The following SLC43A2 variants were observed in gnomAD, a reference collection of about 807,000 sequenced individuals.
The protein encoded by SLC43A2 is solute carrier family 43 member 2.
A neutral mutation model predicts 63.2 loss-of-function variants in SLC43A2; 38 were observed. The observed-to-expected ratio is 0.60, with a 90% CI of 0.46 to 0.79. The LOEUF is 0.79. SLC43A2 is among the 30% of genes least tolerant of loss of function. The pLI is 0.00. For synonymous variants in SLC43A2, 322 were observed against 331.0 expected (o/e 0.97, Z 0.30); for missense variants, 644 against 756.2 (o/e 0.85, Z 1.74).
rs1180605106 is a variant in SLC43A2 at position 1,585,895 on chromosome 17, C to G, written c.1217+18G>C. On this transcript the variant is annotated intron_variant, in intron 10 of 13. Transcript: ENST00000301335. Reference sequence around the variant, plus strand: ...GGGCTGCGGGCTGGGAGCCGGGGCACCGGCCCTGCCTACGCACTGGTTGGC... The same window carrying G: ...GGGCTGCGGGCTGGGAGCCGGGGCAGCGGCCCTGCCTACGCACTGGTTGGC... The G allele has an allele frequency of 6.2e-7, 1 of 1,613,510 alleles. No homozygotes were observed. Among genetic ancestry groups the G allele is most frequent in the Middle Eastern group, 1.7e-4 (1 of 6,046 alleles).
At chr17:1,597,565 C>T (rs1348511791) in intron 5 of SLC43A2, among the ~76,000 whole-genome samples, 2 of 150,254 alleles carry the variant, frequency 1.3e-5, no homozygotes, top group Non-Finnish European at 2.9e-5. Flanking sequence ...TTTGGGAGGC[C>T]AAGGTGGGCG....
intron 12 of SLC43A2, 143 bp from the exon 13 acceptor site, chr17:1,576,863 G>GTTTTT: frequency 5.4e-5 from 31 of 578,090 alleles, no homozygotes; most frequent in East Asian, 1.1e-4. Context: ...GGGCAGTTCT[G>GTTTTT]TTTTTTTTTT....
intron 2 of SLC43A2, among the ~76,000 whole-genome samples, chr17:1,621,835 C>T (rs779002205): frequency 3.3e-5 from 5 of 152,158 alleles, no homozygotes; most frequent in Admixed American, 2.6e-4. Context: ...CGGTCTGTGC[C>T]GATGCTGGCC....
chr17:1,623,619 T>C (rs559316205), intron 2 of SLC43A2, among the ~76,000 whole-genome samples: 5 of 144,020 alleles, frequency 3.5e-5, no homozygotes, highest in Non-Finnish European at 7.4e-5. Flanking sequence ...TCCTCCAGGG[T>C]GTACCCTCCT....
chr17:1,610,991 C>G (rs970011178), intron 5 of SLC43A2, among the ~76,000 whole-genome samples: 13 of 151,936 alleles, frequency 8.6e-5, no homozygotes, highest in Admixed American at 6.6e-5. Flanking sequence ...CAGGGACCCA[C>G]CACTGTGCCC....
intron 9 of SLC43A2, chr17:1,586,928 T>TACCCCCCCC: frequency 2.4e-6 from 3 of 1,232,914 alleles, no homozygotes; most frequent in Non-Finnish European, 1.1e-6. Context: ...TCCCTGACAA[T>TACCCCCCCC]CCCCCCCACC....
Position 1,576,613 on chromosome 17 carries a change from T to C in SLC43A2, c.1532A>G (p.Gln511Arg). The C allele has an allele frequency of 1.2e-6, 2 of 1,608,714 alleles. No individual in the cohort carries two copies. Among genetic ancestry groups the C allele is most frequent in the Non-Finnish European group, 1.7e-6 (2 of 1,179,846 alleles). Residue 511 changes from glutamine (Q) to arginine (R), a missense_variant, in exon 13 of 14, where the codon CAG (glutamine) becomes CGG (arginine). Gln to Arg is a conservative substitution (Grantham distance 43). Coordinates refer to ENST00000301335, the MANE Select transcript of SLC43A2 (RefSeq NM_152346.3). ...PLFLAMMGPLQGDPLWVNVGL... is the reference protein window; with the variant it reads ...PLFLAMMGPLRGDPLWVNVGL... ...CCCTCTTACCCACAGAGGGTCTCCC[T>C]GGAGAGGACCCATCATGGCCAGAAA...
chr17:1,620,608 G>GCCGTC (rs1555544898), intron 2 of SLC43A2, among the ~76,000 whole-genome samples: 1 of 152,072 alleles, frequency 6.6e-6, no homozygotes, highest in East Asian at 1.9e-4. Context: ...CTGCCTCCAG[G>GCCGTC]CCGTCCCGTC....
chr17:1,610,495 C>T (rs1906995869), intron 5 of SLC43A2, among the ~76,000 whole-genome samples: 2 of 146,900 alleles, frequency 1.4e-5, no homozygotes, highest in Non-Finnish European at 3.0e-5. Context: ...GGTCTCAACC[C>T]TGGCCTCAAA....
At chr17:1,588,187 T>G (rs546299609) in intron 9 of SLC43A2, among the ~76,000 whole-genome samples, 1 of 150,770 alleles carries the variant, frequency 6.6e-6, no homozygotes, top group South Asian at 2.1e-4. Flanking sequence ...TCACTTGAAG[T>G]CAGGAGTTGG....
At position 1,571,860 on chromosome 17, in the gene SLC43A2, A is replaced by G. The variant is rs999047335; in HGVS notation, c.*3744T>C. On this transcript the variant is annotated 3_prime_UTR_variant, in exon 14 of 14. Transcript: ENST00000301335. The surrounding 1 kb of genome is among the most constrained non-coding windows in gnomAD (Gnocchi z 5.2). ...GACCACAAAGACACGCCTAGACCCCAGAGTCTAGTGAGGAGAGGGACTGGG... is the reference window on the plus strand; with the variant it reads ...GACCACAAAGACACGCCTAGACCCCGGAGTCTAGTGAGGAGAGGGACTGGG... The G allele has an allele frequency of 6.6e-6, 1 of 152,242 alleles. No homozygotes were observed. Among genetic ancestry groups the G allele is most frequent in the Non-Finnish European group, 1.5e-5 (1 of 68,112 alleles). 9.4% of individuals were successfully genotyped at this position (152,242 alleles called of 1,614,324 possible).
chr17:1,626,076 A>G (rs1483886262), intron 2 of SLC43A2, among the ~76,000 whole-genome samples: 1 of 147,674 alleles, frequency 6.8e-6, no homozygotes, highest in East Asian at 2.0e-4. Flanking sequence ...ATGGTGGGTT[A>G]AAAAAAAAAC....
At chr17:1,612,093 A>C (rs1698783074) in intron 5 of SLC43A2, among the ~76,000 whole-genome samples, 1 of 152,084 alleles carries the variant, frequency 6.6e-6, no homozygotes, top group Non-Finnish European at 1.5e-5. Flanking sequence ...GCCTCCGAGT[A>C]GCTGGGATTA....
chr17:1,588,833 C>T (rs1044972669), intron 9 of SLC43A2, among the ~76,000 whole-genome samples: 2 of 152,312 alleles, frequency 1.3e-5, no homozygotes, highest in South Asian at 2.1e-4. Flanking sequence ...CACCGGTCAG[C>T]GGCAAGGCCT....
chr17:1,590,525 TC>T (rs1490420370), intron 9 of SLC43A2, among the ~76,000 whole-genome samples: 1 of 151,554 alleles, frequency 6.6e-6, no homozygotes, highest in Non-Finnish European at 1.5e-5. Flanking sequence ...ACGGCAACCC[TC>T]CCCCTCAGGC....
chr17:1,592,688 G>C (rs1372346757), intron 6 of SLC43A2, among the ~76,000 whole-genome samples: 1 of 152,206 alleles, frequency 6.6e-6, no homozygotes, highest in Non-Finnish European at 1.5e-5. Flanking sequence ...ACAGGGTCTG[G>C]GGAACTTGGG....
chr17:1,580,650 C>T (rs1282421243), intron 11 of SLC43A2, among the ~76,000 whole-genome samples: 10 of 151,762 alleles, frequency 6.6e-5, no homozygotes, highest in Non-Finnish European at 8.8e-5. Context: ...CAACCTCTGT[C>T]TCCTGGGTTC....
At chr17:1,597,263 G>A (rs1353032015) in intron 5 of SLC43A2, among the ~76,000 whole-genome samples, 1 of 151,942 alleles carries the variant, frequency 6.6e-6, no homozygotes, top group African/African-American at 2.4e-5. Flanking sequence ...CCAGCACTTT[G>A]GGAGGCCGAG....
intron 5 of SLC43A2, among the ~76,000 whole-genome samples, chr17:1,610,223 A>G (rs911724672): frequency 1.0e-4 from 15 of 149,686 alleles, no homozygotes; most frequent in African/African-American, 3.5e-4. Flanking sequence ...TGGCAGGCTC[A>G]TAGAAGTTTA....
Sources: allele counts gnomAD v4.1 joint callset (sites outside exome capture counted in the v4.1 genomes callset), GRCh38; gene constraint gnomAD v4.1.1; non-coding constraint Gnocchi (gnomAD v3.1); transcripts MANE v1.5; gene names NCBI Gene and HGNC (gene_info 2026-07-23, HGNC 2026-07-21).